TAF2: variants seen among roughly 807,000 people sequenced by gnomAD.
TAF2 encodes the protein transcription initiation factor TFIID subunit 2.
A neutral mutation model predicts 138.5 loss-of-function variants in TAF2; 61 were observed. That is an observed-to-expected ratio of 0.44 (90% CI 0.36 to 0.54). TAF2 has a LOEUF of 0.54. TAF2 is among the 20% of genes least tolerant of loss of function. The pLI is 0.00. For synonymous variants in TAF2, 475 were observed against 469.9 expected (o/e 1.01, Z -0.14); for missense variants, 1,090 against 1,427.9 (o/e 0.76, Z 3.81).
intron 11 of TAF2, among the ~76,000 whole-genome samples, chr8:119,790,961 T>A (rs1293617588): frequency 6.8e-6 from 1 of 147,366 alleles, no homozygotes; most frequent in South Asian, 2.1e-4. Flanking sequence ...TATGCCTGAC[T>A]TAGTAATAAA....
rs1184718747 is a variant in TAF2, at chr8:119,731,239, GGATTT to G, written c.*680_*684del. ...AACATCTTGATTTGAAAATAATTTT[GGATTT>G]GATAGTTCTGCTAAATTCCAACATC... On this transcript the variant is annotated 3_prime_UTR_variant, in exon 26 of 26. Coordinates refer to ENST00000378164, the MANE Select transcript of TAF2 (RefSeq NM_003184.4). 1 of 152,050 alleles carries G rather than the reference GGATTT, an allele frequency of 6.6e-6. No individual in the cohort carries two copies. Among genetic ancestry groups the G allele is most frequent in the African/African-American group, 2.4e-5 (1 of 41,394 alleles). 9.4% of individuals were successfully genotyped at this position (152,050 alleles called of 1,614,324 possible).
intron 18 of TAF2, among the ~76,000 whole-genome samples, chr8:119,770,897 C>T (rs1821785353): frequency 6.6e-6 from 1 of 152,062 alleles, no homozygotes; most frequent in Non-Finnish European, 1.5e-5. Context: ...ATGGTGAAAA[C>T]CTGTCTCTAC....
intron 18 of TAF2, among the ~76,000 whole-genome samples, chr8:119,773,292 AAAG>A (rs1821982488): frequency 6.6e-6 from 1 of 151,592 alleles, no homozygotes. Flanking sequence ...AAAAAAATAC[AAAG>A]AAGTCTTAAG....
At chr8:119,776,680 C>T (rs1822268769) in intron 18 of TAF2, among the ~76,000 whole-genome samples, 1 of 151,962 alleles carries the variant, frequency 6.6e-6, no homozygotes. Context: ...CTGAGTGAGA[C>T]TCTGTCTCAA....
chr8:119,787,788 C>T (rs1309562631), intron 14 of TAF2, among the ~76,000 whole-genome samples: 2 of 152,168 alleles, frequency 1.3e-5, no homozygotes, highest in Non-Finnish European at 2.9e-5. Context: ...CATATGCACA[C>T]GTATGTTTAT....
chr8:119,811,361 T>C (rs1002048295), intron 3 of TAF2, among the ~76,000 whole-genome samples: 1 of 150,712 alleles, frequency 6.6e-6, no homozygotes, highest in South Asian at 2.1e-4. Flanking sequence ...ATTTAAAAAA[T>C]TTTTTATAGA....
At chr8:119,803,830 A>G in intron 5 of TAF2, 48 bp downstream of exon 5, 1 of 1,546,944 alleles carries the variant, frequency 6.5e-7, no homozygotes, top group South Asian at 1.2e-5. Context: ...TATACATAAA[A>G]AATGCAATTT....
In TAF2 at chr8:119,749,823, C is replaced by G. The variant is rs1373765185; in HGVS notation, c.2879-2889G>C. Among the ~76,000 whole-genome samples, 3 of 152,140 alleles carry G rather than the reference C, an allele frequency of 2.0e-5. No individual in the cohort carries two copies. In the East Asian group the frequency reaches 5.8e-4, roughly 29 times the overall value. ...CCAGCTACCTCCCCTTTCCCCATCA[C>G]TTATGGCAACGAATGATCACATGAC... On this transcript the variant is annotated intron_variant, in intron 22 of 25. Coordinates refer to ENST00000378164, the MANE Select transcript of TAF2 (RefSeq NM_003184.4).
At chr8:119,831,629 C>A in intron 2 of TAF2, 48 bp downstream of exon 2, 1 of 1,408,698 alleles carries the variant, frequency 7.1e-7, no homozygotes, top group South Asian at 1.2e-5. Flanking sequence ...GATTGTTACT[C>A]TTTATAGTGG....
At chr8:119,770,840 G>T (rs1308358771) in intron 18 of TAF2, among the ~76,000 whole-genome samples, 3 of 152,240 alleles carry the variant, frequency 2.0e-5, no homozygotes, top group Non-Finnish European at 4.4e-5. Context: ...TTGGGAGACT[G>T]AGGGCGGACT....
chr8:119,811,507 C>CT (rs1193868438), intron 3 of TAF2, among the ~76,000 whole-genome samples: 1 of 152,030 alleles, frequency 6.6e-6, no homozygotes, highest in East Asian at 1.9e-4. Flanking sequence ...AAGGATGACT[C>CT]TAAAAATAAC....
At chr8:119,746,055 A>T (rs1259819817) in intron 23 of TAF2, among the ~76,000 whole-genome samples, 2 of 152,182 alleles carry the variant, frequency 1.3e-5, no homozygotes, top group Non-Finnish European at 2.9e-5. Flanking sequence ...CACATATGGG[A>T]CAAGATGGGT....
At chr8:119,787,307 T>C (rs1823084734) in intron 14 of TAF2, among the ~76,000 whole-genome samples, 1 of 152,002 alleles carries the variant, frequency 6.6e-6, no homozygotes. Context: ...TATACATATG[T>C]AACTAACCCG....
chr8:119,775,689 C>T (rs1013880810), intron 18 of TAF2, among the ~76,000 whole-genome samples: 10 of 150,828 alleles, frequency 6.6e-5, no homozygotes, highest in South Asian at 2.1e-4. Context: ...GGTGACAGAG[C>T]GAGATTCCGT....
At chr8:119,825,083 C>T (rs146033753) in intron 2 of TAF2, among the ~76,000 whole-genome samples, 3,128 of 152,354 alleles carry the variant, frequency 0.021, 48 homozygotes, top group Non-Finnish European at 0.027. Flanking sequence ...AGACACTCAA[C>T]GCCATCCAGT....
At chr8:119,734,274 A>G (rs1326994445) in intron 25 of TAF2, among the ~76,000 whole-genome samples, 1 of 152,086 alleles carries the variant, frequency 6.6e-6, no homozygotes, top group African/African-American at 2.4e-5. Context: ...AAAATATATT[A>G]TATATATTAA....
chr8:119,825,958 C>T (rs576956720), intron 2 of TAF2, among the ~76,000 whole-genome samples: 1 of 151,858 alleles, frequency 6.6e-6, no homozygotes, highest in East Asian at 1.9e-4. Flanking sequence ...TCCCAAAGTG[C>T]TGGGATTACA....
intron 22 of TAF2, among the ~76,000 whole-genome samples, chr8:119,753,613 C>G (rs1329851040): frequency 6.6e-6 from 1 of 152,158 alleles, no homozygotes; most frequent in Admixed American, 6.5e-5. Flanking sequence ...CAAAGCAGAA[C>G]TTTACTGTAC....
chr8:119,732,697 G>A (rs1250745011), intron 25 of TAF2, among the ~76,000 whole-genome samples: 5 of 152,074 alleles, frequency 3.3e-5, no homozygotes, highest in African/African-American at 1.2e-4. Context: ...CCAGGTACTT[G>A]GGAGGCTGAG....
Sources: allele counts gnomAD v4.1 joint callset (sites outside exome capture counted in the v4.1 genomes callset), GRCh38; gene constraint gnomAD v4.1.1; transcripts MANE v1.5; gene names NCBI Gene and HGNC (gene_info 2026-07-23, HGNC 2026-07-21).